The following ASTN2 variants were observed in gnomAD, a reference collection of about 807,000 sequenced individuals.
ASTN2 encodes astrotactin-2.
ASTN2 carries 54 observed loss-of-function variants against 139.8 expected under a neutral mutation model. The ratio of observed to expected loss-of-function variants is 0.39; its 90% CI spans 0.31 to 0.48. The LOEUF is 0.48. Among genes scored for constraint, ASTN2 ranks in the 20% least tolerant of loss-of-function variants. The pLI is 0.95. For missense variants in ASTN2, 1,565 were observed against 1,725.1 expected, an observed-to-expected ratio of 0.91 and a Z score of 1.64; for synonymous variants, 756 against 719.5, an observed-to-expected ratio of 1.05 and a Z score of -0.81.
chr9:116,990,811 A>G (rs1002970996), intron 7 of ASTN2, among the ~76,000 whole-genome samples: 2 of 152,186 alleles, frequency 1.3e-5, no homozygotes, highest in South Asian at 2.1e-4. Flanking sequence ...AAAATTAAGC[A>G]ACGTGTGTCT....
At chr9:116,872,264 G>A (rs1833187203) in intron 10 of ASTN2, among the ~76,000 whole-genome samples, 1 of 152,154 alleles carries the variant, frequency 6.6e-6, no homozygotes, top group South Asian at 2.1e-4. Context: ...CTGTAAAATG[G>A]GGATATTAAT....
At chr9:117,248,646 T>C (rs1833452318) in intron 2 of ASTN2, among the ~76,000 whole-genome samples, 1 of 152,206 alleles carries the variant, frequency 6.6e-6, no homozygotes, top group African/African-American at 2.4e-5. Context: ...CAGGTCTATG[T>C]CAGTGGCACC....
At chr9:116,956,094 C>CTTTTTTTTT (rs71379245) in intron 10 of ASTN2, among the ~76,000 whole-genome samples, 3 of 119,142 alleles carry the variant, frequency 2.5e-5, no homozygotes, top group East Asian at 2.5e-4. Context: ...TTTTTCTTTT[C>CTTTTTTTTT]TTTTTTTTTT....
intron 10 of ASTN2, among the ~76,000 whole-genome samples, chr9:116,875,884 C>T (rs934821876): frequency 6.6e-6 from 1 of 152,176 alleles, no homozygotes; most frequent in African/African-American, 2.4e-5. Flanking sequence ...AACTCCTGCT[C>T]AGAAAAATGA....
chr9:117,302,870 G>T (rs1373745292), intron 1 of ASTN2, among the ~76,000 whole-genome samples: 1 of 152,116 alleles, frequency 6.6e-6, no homozygotes, highest in African/African-American at 2.4e-5. Flanking sequence ...AATCCCCAGG[G>T]TCAGACGCTG....
intron 11 of ASTN2, among the ~76,000 whole-genome samples, chr9:116,840,523 C>G (rs1832193634): frequency 8.0e-6 from 1 of 125,706 alleles, no homozygotes; most frequent in Non-Finnish European, 1.7e-5. Flanking sequence ...CCCCCACCTC[C>G]CTCCTGGACG....
intron 1 of ASTN2, 131 bp from the exon 2 acceptor site, chr9:117,291,644 A>C: frequency 1.4e-6 from 1 of 690,618 alleles, no homozygotes; most frequent in Admixed American, 3.0e-5. Flanking sequence ...CCTCACATCA[A>C]GTCTATGAGA....
At chr9:117,180,256 A>G (rs181585215) in intron 3 of ASTN2, among the ~76,000 whole-genome samples, 2 of 152,322 alleles carry the variant, frequency 1.3e-5, no homozygotes, top group East Asian at 3.9e-4. Context: ...GGCCTCCCAG[A>G]TAAAGTCCCA....
At chr9:117,381,581 C>G (rs753023744) in intron 1 of ASTN2, among the ~76,000 whole-genome samples, 9 of 152,080 alleles carry the variant, frequency 5.9e-5, no homozygotes, top group African/African-American at 1.7e-4. Context: ...TATTAAGAAG[C>G]CTGCTCTTGC....
chr9:117,274,679 A>G (rs971134818), intron 2 of ASTN2, among the ~76,000 whole-genome samples: 1 of 152,226 alleles, frequency 6.6e-6, no homozygotes, highest in African/African-American at 2.4e-5. Flanking sequence ...GTGAGTTACC[A>G]AGAACTTCTT....
At chr9:116,923,440 C>T (rs1046522710) in intron 10 of ASTN2, among the ~76,000 whole-genome samples, 1 of 152,206 alleles carries the variant, frequency 6.6e-6, no homozygotes, top group Non-Finnish European at 1.5e-5. Flanking sequence ...TCTTGATGCC[C>T]TTGTCTTTAC....
chr9:116,738,786 C>A (rs567456863), intron 13 of ASTN2, among the ~76,000 whole-genome samples: 1 of 152,156 alleles, frequency 6.6e-6, no homozygotes, highest in Non-Finnish European at 1.5e-5. Flanking sequence ...GCATTCTAAC[C>A]CCTAGCTTCC....
chr9:117,386,280 T>C (rs1418157091), intron 1 of ASTN2, among the ~76,000 whole-genome samples: 1 of 152,196 alleles, frequency 6.6e-6, no homozygotes, highest in Non-Finnish European at 1.5e-5. Context: ...GACCACCCTC[T>C]GTTACTAGTT....
chr9:117,292,747 T>C (rs1387623981), intron 1 of ASTN2, among the ~76,000 whole-genome samples: 1 of 152,080 alleles, frequency 6.6e-6, no homozygotes, highest in Non-Finnish European at 1.5e-5. Flanking sequence ...ATAGGCAAGC[T>C]GAGTTACAGC....
At chr9:117,020,692 C>G (rs1015775875) in intron 6 of ASTN2, among the ~76,000 whole-genome samples, 5 of 152,102 alleles carry the variant, frequency 3.3e-5, no homozygotes, top group African/African-American at 1.2e-4. Flanking sequence ...TTAGGGCATG[C>G]TGGTGTCTCA....
intron 2 of ASTN2, among the ~76,000 whole-genome samples, chr9:117,286,322 C>T (rs1048531037): frequency 9.2e-5 from 14 of 151,444 alleles, no homozygotes; most frequent in Admixed American, 8.6e-4. Flanking sequence ...TTTCCTCATG[C>T]CTGCGTGAAG....
At chr9:117,343,205 G>A (rs1024009517) in intron 1 of ASTN2, among the ~76,000 whole-genome samples, 3 of 152,166 alleles carry the variant, frequency 2.0e-5, no homozygotes, top group Non-Finnish European at 4.4e-5. Context: ...GCTTGTGGCT[G>A]CATCTGTTCA....
At chr9:117,005,381 T>C (rs530637164) in intron 7 of ASTN2, among the ~76,000 whole-genome samples, 1 of 152,098 alleles carries the variant, frequency 6.6e-6, no homozygotes, top group African/African-American at 2.4e-5. Flanking sequence ...GTTCTTATAA[T>C]TTTATGTTGT....
chr9:117,044,866 T>C (rs961335156), intron 5 of ASTN2, among the ~76,000 whole-genome samples: 2 of 152,226 alleles, frequency 1.3e-5, no homozygotes, highest in Non-Finnish European at 2.9e-5. Flanking sequence ...AATTATCTCA[T>C]TGAATCCTCT....
Sources: gnomAD v4.1 joint callset for allele counts (sites outside exome capture counted in the v4.1 genomes callset) on GRCh38, gnomAD v4.1.1 for gene constraint, MANE v1.5 for transcripts, NCBI Gene and HGNC (gene_info 2026-07-23, HGNC 2026-07-21) for gene names.